The following MOCOS variants were observed in gnomAD, a reference collection of about 807,000 sequenced individuals.
MOCOS encodes molybdenum cofactor sulfurase, also known as human molybdenum cofactor sulfurase.
Under a neutral mutation model 83.6 loss-of-function variants are expected in MOCOS, and 86 were observed. The ratio of observed to expected loss-of-function variants is 1.03; its 90% CI spans 0.86 to 1.23. The LOEUF (loss-of-function observed/expected upper bound fraction) is 1.23. MOCOS is among the 50% of genes most tolerant of loss of function. The pLI is 0.00. For missense variants in MOCOS, 1,120 were observed against 1,126.9 expected (o/e 0.99, Z 0.09); for synonymous variants, 445 against 434.7 (o/e 1.02, Z -0.29).
At chr18:36,244,873 A>G (rs570972710) in intron 9 of MOCOS, among the ~76,000 whole-genome samples, 1 of 152,250 alleles carries the variant, frequency 6.6e-6, no homozygotes, top group African/African-American at 2.4e-5. Flanking sequence ...TTATTATTAT[A>G]TAATATTCCT....
intron 7 of MOCOS, 111 bp downstream of exon 7, chr18:36,213,593 C>A: frequency 2.3e-6 from 2 of 871,254 alleles, no homozygotes; most frequent in Non-Finnish European, 3.8e-6. Context: ...TTCTCCACGC[C>A]TACTCTGTGC....
intron 9 of MOCOS, among the ~76,000 whole-genome samples, chr18:36,239,683 C>T (rs1217583919): frequency 6.8e-6 from 1 of 147,440 alleles, no homozygotes; most frequent in Non-Finnish European, 1.5e-5. Context: ...TGTTGGCCTG[C>T]CTTGCTAGAT....
intron 6 of MOCOS, among the ~76,000 whole-genome samples, chr18:36,207,516 T>G (rs2144908682): frequency 6.6e-6 from 1 of 152,320 alleles, no homozygotes; most frequent in South Asian, 2.1e-4. Context: ...GGTATCTCAT[T>G]GTGGTTTTAA....
intron 9 of MOCOS, among the ~76,000 whole-genome samples, chr18:36,229,700 C>A (rs1249564360): frequency 1.3e-5 from 2 of 151,872 alleles, no homozygotes; most frequent in Non-Finnish European, 2.9e-5. Context: ...TAAATTTTTA[C>A]TTCTTTTTGC....
At position 36,207,797 on chromosome 18, in the gene MOCOS, G is replaced by A. The variant is rs1044718887; in HGVS notation, c.1218+2521G>A. Among the ~76,000 whole-genome samples, 3 of 152,044 alleles carry A rather than the reference G, an allele frequency of 2.0e-5. No homozygotes were observed. In the East Asian group the frequency reaches 5.8e-4, roughly 29 times the overall value. On this transcript the variant is annotated intron_variant, in intron 6 of 14. Coordinates refer to ENST00000261326, the MANE Select transcript of MOCOS (RefSeq NM_017947.4). The stretch of plus-strand genomic sequence containing the variant: ...TGCTGTGCCAATGTTCATTAGTTTA[G>A]TTAGGCTTCATTTGTCAATTTTTCC...
rs758681665 is a variant in MOCOS at position 36,203,206 on chromosome 18, A to G, written c.1018+17A>G. 13 of 1,610,164 alleles carry G rather than the reference A, an allele frequency of 8.1e-6. No individual in the cohort carries two copies. The East Asian group carries it at 2.5e-4, about 30-fold the overall frequency. ...GCCTCACAGGTCAGTGGACATTTCTATCCCTGTGGAATTTGCTCCTGTTGT... is the reference window on the plus strand; with the variant it reads ...GCCTCACAGGTCAGTGGACATTTCTGTCCCTGTGGAATTTGCTCCTGTTGT... On this transcript the variant is annotated intron_variant, in intron 5 of 14. Coordinates refer to ENST00000261326, the MANE Select transcript of MOCOS (RefSeq NM_017947.4).
Position 36,215,637 on chromosome 18 carries a change from T to C in MOCOS, c.1457T>C (p.Ile486Thr). ...DDVQAFLRFI[I>T]DTRLHSSGDW... The stretch of plus-strand genomic sequence containing the variant: ...GTCCAGGCCTTTCTTAGGTTCATCA[T>C]AGACACTCGCCTGCACTCATCAGGG... Residue 486 changes from isoleucine (I) to threonine (T), a missense_variant, in exon 8 of 15, where the codon ATA (isoleucine) becomes ACA (threonine). Physicochemically the swap from Ile to Thr is moderately conservative, Grantham distance 89. Coordinates refer to ENST00000261326, the MANE Select transcript of MOCOS (RefSeq NM_017947.4). 2 of 1,614,208 alleles carry C rather than the reference T, an allele frequency of 1.2e-6. No homozygotes were observed. The highest frequency in any genetic ancestry group is 2.2e-5 in the East Asian group (1 of 44,882).
At chr18:36,210,257 A>G (rs2091449495) in intron 6 of MOCOS, among the ~76,000 whole-genome samples, 1 of 152,152 alleles carries the variant, frequency 6.6e-6, no homozygotes, top group Non-Finnish European at 1.5e-5. Flanking sequence ...GTAGCCATAA[A>G]CTTTCTAAAG....
At chr18:36,220,356 AAATT>A in intron 9 of MOCOS, 139 bp downstream of exon 9, 3 of 1,223,430 alleles carry the variant, frequency 2.5e-6, no homozygotes, top group Non-Finnish European at 3.4e-6. Context: ...AAAAAAAAAA[AAATT>A]ATCCTGGGTG....
At chr18:36,204,654 G>A (rs2091427568) in intron 5 of MOCOS, among the ~76,000 whole-genome samples, 1 of 152,118 alleles carries the variant, frequency 6.6e-6, no homozygotes, top group African/African-American at 2.4e-5. Flanking sequence ...AATTATTAAT[G>A]TGAGGTCCAG....
Position 36,268,670 on chromosome 18 carries a change from G to T in MOCOS, c.2652G>T (p.Gln884His). ...ATTTACCTGCATCTGAGAAACACCAGGATGTTACCTCCTAAAAAAAATTTT... is the reference window on the plus strand; with the variant it reads ...ATTTACCTGCATCTGAGAAACACCATGATGTTACCTCCTAAAAAAAATTTT... The part of the protein sequence containing the change: ...GHDLPASEKH[Q>H]DVTS Residue 884 changes from glutamine (Q) to histidine (H), a missense_variant, in exon 15 of 15, where the codon CAG becomes CAT. Physicochemically the swap from Gln to His is conservative, Grantham distance 24 (BLOSUM62 0). Coordinates refer to ENST00000261326, the MANE Select transcript of MOCOS (RefSeq NM_017947.4). 1 of 1,608,028 alleles carries T rather than the reference G, an allele frequency of 6.2e-7. No individual in the cohort carries two copies. Among genetic ancestry groups the T allele is most frequent in the Non-Finnish European group, 8.5e-7 (1 of 1,179,056 alleles).
chr18:36,231,758 G>C (rs541378013), intron 9 of MOCOS, among the ~76,000 whole-genome samples: 17 of 152,244 alleles, frequency 1.1e-4, no homozygotes, highest in African/African-American at 3.4e-4. Context: ...CAGAAGTACA[G>C]AAATCTTTCA....
chr18:36,194,215 A>G (rs1176622687), intron 1 of MOCOS, among the ~76,000 whole-genome samples: 1 of 143,964 alleles, frequency 6.9e-6, no homozygotes, highest in African/African-American at 2.6e-5. Context: ...ATTGGTATTT[A>G]TGTAATTTTA....
At chr18:36,213,542 T>A in intron 7 of MOCOS, 60 bp downstream of exon 7, 1 of 1,382,882 alleles carries the variant, frequency 7.2e-7, no homozygotes. Flanking sequence ...CACCTGTTGC[T>A]GCCTGTGTGT....
chr18:36,256,376 C>T (rs1034615144), intron 11 of MOCOS, among the ~76,000 whole-genome samples: 3 of 152,208 alleles, frequency 2.0e-5, no homozygotes, highest in African/African-American at 7.2e-5. Context: ...TGTCATCCCT[C>T]CTCCTCGAAG....
intron 9 of MOCOS, among the ~76,000 whole-genome samples, chr18:36,221,848 C>T (rs1158039263): frequency 6.6e-6 from 1 of 151,852 alleles, no homozygotes; most frequent in African/African-American, 2.4e-5. Context: ...GCTTCAGCCT[C>T]CCGAGTAGCT....
chr18:36,215,651 C>A lies in MOCOS; in HGVS notation c.1471C>A (p.His491Asn), dbSNP rs987461039. The A allele has an allele frequency of 6.2e-7, 1 of 1,614,150 alleles. No homozygotes were observed. Among genetic ancestry groups the A allele is most frequent in the Non-Finnish European group, 8.5e-7 (1 of 1,180,018 alleles). Residue 491 changes from histidine to asparagine, a missense_variant, in exon 8 of 15, where the codon CAC becomes AAC. Transcript: ENST00000261326. The part of the protein sequence containing the change: ...FLRFIIDTRL[H>N]SSGDWPVPQA... Reference sequence around the variant, plus strand: ...TAGGTTCATCATAGACACTCGCCTGCACTCATCAGGGGACTGGCCTGTCCC... The same window carrying A: ...TAGGTTCATCATAGACACTCGCCTGAACTCATCAGGGGACTGGCCTGTCCC...
At chr18:36,257,737 G>A (rs1238286383) in intron 12 of MOCOS, among the ~76,000 whole-genome samples, 1 of 152,110 alleles carries the variant, frequency 6.6e-6, no homozygotes, top group Non-Finnish European at 1.5e-5. Context: ...TGACTGGGAC[G>A]GGCTCCTCAT....
intron 8 of MOCOS, among the ~76,000 whole-genome samples, chr18:36,216,726 T>C (rs1243439488): frequency 2.0e-5 from 3 of 152,222 alleles, no homozygotes; most frequent in African/African-American, 7.2e-5. Flanking sequence ...TATCTGCATA[T>C]TCTGAAAATA....
Sources: gnomAD v4.1 joint callset for allele counts (sites outside exome capture counted in the v4.1 genomes callset) on GRCh38, gnomAD v4.1.1 for gene constraint, MANE v1.5 for transcripts, NCBI Gene and HGNC (gene_info 2026-07-23, HGNC 2026-07-21) for gene names.